ZSWIM6: variants seen among roughly 807,000 people sequenced by gnomAD.
ZSWIM6 encodes zinc finger SWIM-type containing 6.
In ZSWIM6, 9 loss-of-function variants were observed where a neutral mutation model predicts 113.2. The ratio of observed to expected loss-of-function variants is 0.08; its 90% confidence interval spans 0.05 to 0.14. ZSWIM6 has a LOEUF of 0.14. Ranked by LOEUF, ZSWIM6 falls within the 10% of genes least tolerant of loss-of-function variation. The pLI, the probability that ZSWIM6 is intolerant of heterozygous loss-of-function variation, is 1.00. For missense variants in ZSWIM6, 1,162 were observed against 1,552.2 expected (o/e 0.75, Z 4.22); for synonymous variants, 611 against 606.5 (o/e 1.01, Z -0.11).
chr5:61,410,383 C>T (rs1016822373), intron 1 of ZSWIM6, among the ~76,000 whole-genome samples: 2 of 149,100 alleles, frequency 1.3e-5, no homozygotes, highest in Admixed American at 1.3e-4. Flanking sequence ...GATCTCGGCT[C>T]ACTGCAACCT....
intron 1 of ZSWIM6, among the ~76,000 whole-genome samples, chr5:61,469,708 CT>C (rs533370067): frequency 1.2e-4 from 18 of 147,788 alleles, no homozygotes; most frequent in Admixed American, 2.0e-4. Flanking sequence ...TCCCCCCAAC[CT>C]TTTTTTTTTA....
At chr5:61,435,107 G>GAC (rs1391714295) in intron 1 of ZSWIM6, among the ~76,000 whole-genome samples, 1 of 152,070 alleles carries the variant, frequency 6.6e-6, no homozygotes, top group Non-Finnish European at 1.5e-5. Context: ...CAATTCACTT[G>GAC]ACTTCTATGG....
chr5:61,457,510 C>G (rs1259383783), intron 1 of ZSWIM6, among the ~76,000 whole-genome samples: 1 of 151,984 alleles, frequency 6.6e-6, no homozygotes, highest in East Asian at 1.9e-4. Flanking sequence ...TAAGTGGCCC[C>G]TCTATCTTTT....
At chr5:61,382,519 T>C (rs549610592) in intron 1 of ZSWIM6, among the ~76,000 whole-genome samples, 5 of 152,196 alleles carry the variant, frequency 3.3e-5, no homozygotes, top group African/African-American at 9.6e-5. Context: ...AAGAAAAAAT[T>C]TGGGCTGGGC....
chr5:61,348,358 C>T (rs879724419), intron 1 of ZSWIM6, among the ~76,000 whole-genome samples: 12 of 151,972 alleles, frequency 7.9e-5, no homozygotes, highest in South Asian at 2.1e-4. Flanking sequence ...TTCATGTAGC[C>T]GTATTTAGAT....
chr5:61,457,121 G>C (rs1747220425), intron 1 of ZSWIM6, among the ~76,000 whole-genome samples: 1 of 148,488 alleles, frequency 6.7e-6, no homozygotes, highest in African/African-American at 2.5e-5. Flanking sequence ...TGATCTCATT[G>C]TTCATTTCCC....
chr5:61,504,173 A>G (rs1406409599), intron 4 of ZSWIM6, among the ~76,000 whole-genome samples: 7 of 152,100 alleles, frequency 4.6e-5, no homozygotes. Flanking sequence ...TGAGTCCTCC[A>G]TTTTCTTCTT....
intron 4 of ZSWIM6, among the ~76,000 whole-genome samples, chr5:61,517,219 C>T (rs1748971546): frequency 6.6e-6 from 1 of 151,984 alleles, no homozygotes; most frequent in Non-Finnish European, 1.5e-5. Flanking sequence ...TGATTTCTTC[C>T]AATTTTTTCT....
intron 1 of ZSWIM6, among the ~76,000 whole-genome samples, chr5:61,390,180 A>G (rs1334251339): frequency 6.6e-6 from 1 of 152,210 alleles, no homozygotes; most frequent in Non-Finnish European, 1.5e-5. Flanking sequence ...ACTGTGCTGT[A>G]ATGATATTGT....
Position 61,390,891 on chromosome 5 carries a change from A to G in ZSWIM6, c.676+57943A>G, listed in dbSNP as rs193128628. On this transcript the variant is annotated intron_variant, in intron 1 of 13. Coordinates refer to ENST00000252744, the MANE Select transcript of ZSWIM6 (RefSeq NM_020928.2). ...CACCACACAGTCTTTCAGCATGACA[A>G]AGTCATTGGTCACTTCACCATAGTG... 6.2e-5 allele frequency: 55 copies of G among 888,878 alleles called. 1 individual carries two copies. The East Asian group carries it at 1.3e-3, about 21-fold the overall frequency. 55.1% of individuals were successfully genotyped at this position (888,878 alleles called of 1,614,324 possible).
At chr5:61,481,761 C>T (rs1393836130) in intron 2 of ZSWIM6, among the ~76,000 whole-genome samples, 1 of 151,946 alleles carries the variant, frequency 6.6e-6, no homozygotes, top group African/African-American at 2.4e-5. Flanking sequence ...ATTACATTAC[C>T]AAGGTAGGCG....
intron 1 of ZSWIM6, among the ~76,000 whole-genome samples, chr5:61,410,365 A>G (rs1746129530): frequency 7.2e-6 from 1 of 139,788 alleles, no homozygotes; most frequent in Non-Finnish European, 1.5e-5. Context: ...GCTGGAGTGC[A>G]GTGGTGCGAT....
At chr5:61,427,306 G>C (rs1342461606) in intron 1 of ZSWIM6, among the ~76,000 whole-genome samples, 1 of 152,040 alleles carries the variant, frequency 6.6e-6, no homozygotes, top group Admixed American at 6.6e-5. Context: ...TTTATATATT[G>C]CATATATATT....
At chr5:61,489,005 C>T (rs867693321) in intron 2 of ZSWIM6, among the ~76,000 whole-genome samples, 6 of 152,014 alleles carry the variant, frequency 3.9e-5, no homozygotes, top group African/African-American at 9.7e-5. Flanking sequence ...AAACTAAGCT[C>T]TTTGCCAACC....
chr5:61,465,852 A>G (rs1747422613), intron 1 of ZSWIM6, among the ~76,000 whole-genome samples: 1 of 152,222 alleles, frequency 6.6e-6, no homozygotes, highest in Non-Finnish European at 1.5e-5. Flanking sequence ...TCCTTTAAAA[A>G]ATATTTTTTT....
intron 1 of ZSWIM6, among the ~76,000 whole-genome samples, chr5:61,436,058 G>A (rs1439333233): frequency 2.0e-5 from 3 of 152,034 alleles, no homozygotes; most frequent in East Asian, 1.9e-4. Flanking sequence ...AAAATTAGCC[G>A]GGCGTGGTGG....
At chr5:61,540,747 T>A (rs965980201) in intron 12 of ZSWIM6, among the ~76,000 whole-genome samples, 2 of 152,104 alleles carry the variant, frequency 1.3e-5, no homozygotes, top group African/African-American at 4.8e-5. Context: ...ATGAGCTCTC[T>A]TGTTATTTGG....
rs1286209140 is a variant in ZSWIM6 at position 61,535,358 on chromosome 5, A to G, written c.2246-126A>G. 7.7e-6 allele frequency: 9 copies of G among 1,163,708 alleles called. No individual in the cohort carries two copies. In the East Asian group the frequency reaches 1.6e-4, roughly 20 times the overall value. The allele number at this position is 1,163,708 out of a possible 1,614,324, so 72.1% of individuals were successfully genotyped here. ...TTGATTAAGGATTATATTCCTTTCT[A>G]TATCATTTACTTGAAATTCTTATTT... On this transcript the variant is annotated intron_variant, in intron 9 of 13. Transcript: ENST00000252744.
chr5:61,441,855 G>C (rs1746841559), intron 1 of ZSWIM6, among the ~76,000 whole-genome samples: 1 of 152,154 alleles, frequency 6.6e-6, no homozygotes, highest in African/African-American at 2.4e-5. Flanking sequence ...ACAGTGTTTG[G>C]TCTAGGTGCT....
Sources: allele counts gnomAD v4.1 joint callset (sites outside exome capture counted in the v4.1 genomes callset), GRCh38; gene constraint gnomAD v4.1.1; transcripts MANE v1.5; gene names NCBI Gene and HGNC (gene_info 2026-07-23, HGNC 2026-07-21).